FRMD6: variants seen among roughly 807,000 people sequenced by gnomAD.
FRMD6 encodes FERM domain containing 6.
Under a neutral mutation model 73.2 loss-of-function variants are expected in FRMD6, and 37 were observed. The observed-to-expected ratio is 0.51, with a 90% CI of 0.39 to 0.66. The LOEUF is 0.66. Ranked by LOEUF, FRMD6 falls within the 30% of genes least tolerant of loss-of-function variation. The pLI is 0.00. For synonymous variants in FRMD6, 273 were observed against 282.2 expected, an observed-to-expected ratio of 0.97 and a Z score of 0.33; for missense variants, 714 against 780.5, an observed-to-expected ratio of 0.91 and a Z score of 1.02.
chr14:51,446,565 C>A, the FRMD6 span, among the ~76,000 whole-genome samples: 30,172 of 151,850 alleles, frequency 0.2, 3,569 homozygotes, highest in East Asian at 0.51. Context: ...ATTTGGAAAC[C>A]AGACAATATG....
At chr14:51,486,721 A>G (rs1209663149), upstream of FRMD6, among the ~76,000 whole-genome samples, 1 of 152,162 alleles carries the variant, frequency 6.6e-6, no homozygotes, top group Non-Finnish European at 1.5e-5. Flanking sequence ...TGGATGAGAA[A>G]TTCTGGTTGT....
chr14:51,610,866 T>G (rs1890463920), intron 2 of FRMD6, among the ~76,000 whole-genome samples: 1 of 152,184 alleles, frequency 6.6e-6, no homozygotes, highest in Non-Finnish European at 1.5e-5. Flanking sequence ...GAAAAGAAAA[T>G]TAGAAAAACA....
Position 51,512,192 on chromosome 14 carries a change from G to T in FRMD6, c.-210+22772G>T, listed in dbSNP as rs537202906. 1.0e-3 allele frequency among the ~76,000 whole-genome samples: 153 copies of T among 152,284 alleles called. 2 individuals carry two copies. Among genetic ancestry groups the T allele is most frequent in the African/African-American group, 3.5e-3 (147 of 41,560 alleles). On this transcript the variant is annotated intron_variant, in intron 1 of 14. Coordinates refer to the FRMD6 transcript ENST00000356218. ...TTAAAGGGTTGGCATGCAGCTGGGA[G>T]TGGTGGATGGATAATAGTTATGCAT...
At chr14:51,453,429 G>T in the FRMD6 span, among the ~76,000 whole-genome samples, 2 of 152,080 alleles carry the variant, frequency 1.3e-5, no homozygotes, top group Non-Finnish European at 2.9e-5. Context: ...GAGAAATGAG[G>T]AGATATTGAT....
At chr14:51,471,549 A>C in the FRMD6 span, among the ~76,000 whole-genome samples, 1 of 151,834 alleles carries the variant, frequency 6.6e-6, no homozygotes. Context: ...TATTCTTTTT[A>C]TCATTATAAA....
intron 1 of FRMD6, among the ~76,000 whole-genome samples, chr14:51,686,642 C>T (rs1379471668): frequency 6.6e-6 from 1 of 151,872 alleles, no homozygotes; most frequent in African/African-American, 2.4e-5. Flanking sequence ...AAATATGTTA[C>T]TACCACATGG....
chr14:51,563,774 A>G (rs1399574514), intron 1 of FRMD6, among the ~76,000 whole-genome samples: 1 of 152,264 alleles, frequency 6.6e-6, no homozygotes, highest in East Asian at 1.9e-4. Flanking sequence ...CAGAAGGTCT[A>G]TGATTATACT....
At chr14:51,670,624 AT>A (rs58950068) in intron 1 of FRMD6, among the ~76,000 whole-genome samples, 1 of 150,366 alleles carries the variant, frequency 6.7e-6, no homozygotes, top group African/African-American at 2.4e-5. Flanking sequence ...ATTAATGTAC[AT>A]TTTTATATAT....
rs986853380 is a variant in FRMD6 at position 51,698,250 on chromosome 14, C to G, written c.190+18C>G. Reference sequence around the variant, plus strand: ...TATACAAAGTAAGTCTTAGAGCCCTCTCTGATGGATTTAGCCAACTATCCC... The same window carrying G: ...TATACAAAGTAAGTCTTAGAGCCCTGTCTGATGGATTTAGCCAACTATCCC... On this transcript the variant is annotated intron_variant, in intron 3 of 13. Coordinates refer to ENST00000344768, the MANE Select transcript of FRMD6 (RefSeq NM_001267046.2). The G allele has an allele frequency of 1.0e-5, 16 of 1,562,206 alleles. No homozygotes were observed. Among genetic ancestry groups the G allele is most frequent in the Non-Finnish European group, 1.3e-5 (15 of 1,137,134 alleles).
chr14:51,529,431 T>C, intron 1 of FRMD6, among the ~76,000 whole-genome samples: 1 of 152,228 alleles, frequency 6.6e-6, no homozygotes, highest in East Asian at 1.9e-4. Flanking sequence ...AAGTGTTTGC[T>C]AATTAAAAAT....
rs1898172537 is a variant in FRMD6 at position 51,729,894 on chromosome 14, T to C, written c.*1865T>C. On this transcript the variant is annotated 3_prime_UTR_variant, in exon 14 of 14. Coordinates refer to ENST00000344768, the MANE Select transcript of FRMD6 (RefSeq NM_001267046.2). ...AAATTGTTTTGCTTTTATCAAATAC[T>C]TTAATAGAACCAAAGTTGCAGATAT... 6.5e-6 allele frequency: 1 copy of C among 152,682 alleles called. No individual in the cohort carries two copies. The highest frequency in any genetic ancestry group is 2.4e-5 in the African/African-American group (1 of 41,472). The allele number at this position is 152,682 out of a possible 1,614,324, so 9.5% of individuals were successfully genotyped here. A position where few individuals can be genotyped will look rare whatever the true frequency, so the allele number is the denominator to read the frequency against.
In FRMD6 at chr14:51,701,031, T is replaced by C. The variant is rs763411993; in HGVS notation, c.191-25T>C. The C allele has an allele frequency of 3.5e-6, 4 of 1,150,578 alleles. No individual in the cohort carries two copies. In the South Asian group the frequency reaches 6.9e-5, roughly 20 times the overall value. The allele number at this position is 1,150,578 out of a possible 1,614,324, so 71.3% of individuals were successfully genotyped here. ...TTTTAAAAATCCTTTCTTTAGCATGTCGTCTCCTTTTTTTTAATGTACAGA... is the reference window on the plus strand; with the variant it reads ...TTTTAAAAATCCTTTCTTTAGCATGCCGTCTCCTTTTTTTTAATGTACAGA... On this transcript the variant is annotated intron_variant, in intron 3 of 13. Transcript: ENST00000344768.
At chr14:51,467,113 C>CG in the FRMD6 span, among the ~76,000 whole-genome samples, 1 of 152,118 alleles carries the variant, frequency 6.6e-6, no homozygotes, top group African/African-American at 2.4e-5. Flanking sequence ...AGGGCCCTGC[C>CG]GCCTTCCGCA....
intron 1 of FRMD6, among the ~76,000 whole-genome samples, chr14:51,658,369 T>C (rs750428488): frequency 1.3e-5 from 2 of 152,104 alleles, no homozygotes; most frequent in Non-Finnish European, 2.9e-5. Flanking sequence ...AATGAGACTT[T>C]GGGTTGTAAG....
chr14:51,674,091 G>C (rs1171282493), intron 1 of FRMD6, among the ~76,000 whole-genome samples: 1 of 152,096 alleles, frequency 6.6e-6, no homozygotes, highest in Non-Finnish European at 1.5e-5. Flanking sequence ...ATTAGAGGGA[G>C]TTTCAGGATT....
the FRMD6 span, among the ~76,000 whole-genome samples, chr14:51,455,183 AC>A: frequency 6.6e-6 from 1 of 152,230 alleles, no homozygotes; most frequent in Non-Finnish European, 1.5e-5. Flanking sequence ...ACTTAAATGC[AC>A]CGGGAATCCC....
At chr14:51,504,041 G>C (rs751688754) in intron 1 of FRMD6, among the ~76,000 whole-genome samples, 5 of 152,100 alleles carry the variant, frequency 3.3e-5, no homozygotes, top group Non-Finnish European at 7.4e-5. Flanking sequence ...GTATCTTCTA[G>C]TGGTTGTTTG....
intron 1 of FRMD6, among the ~76,000 whole-genome samples, chr14:51,526,069 T>C (rs1885240008): frequency 6.6e-6 from 1 of 152,150 alleles, no homozygotes; most frequent in Non-Finnish European, 1.5e-5. Context: ...CAAGTCTGAG[T>C]AGTAAGCCAT....
chr14:51,698,255 A>G, intron 3 of FRMD6, 23 bp downstream of exon 3: 1 of 1,541,248 alleles, frequency 6.5e-7, no homozygotes, highest in Non-Finnish European at 8.9e-7. Flanking sequence ...GCCCTCTCTG[A>G]TGGATTTAGC....
Sources: allele counts gnomAD v4.1 joint callset (sites outside exome capture counted in the v4.1 genomes callset), GRCh38; gene constraint gnomAD v4.1.1; transcripts MANE v1.5; gene names NCBI Gene and HGNC (gene_info 2026-07-23, HGNC 2026-07-21).